The following LRRK1 variants were observed in gnomAD, a reference collection of about 807,000 sequenced individuals.
LRRK1 encodes the protein leucine-rich repeat serine/threonine-protein kinase 1.
In LRRK1, 113 loss-of-function variants were observed where a neutral mutation model predicts 209.1. The observed-to-expected ratio is 0.54, with a 90% CI of 0.46 to 0.63. The LOEUF (loss-of-function observed/expected upper bound fraction) is 0.63. Among genes scored for constraint, LRRK1 ranks in the 30% least tolerant of loss-of-function variants. LRRK1 has a pLI of 0.00. For synonymous variants in LRRK1, 1,144 were observed against 1,099.7 expected (o/e 1.04, Z -0.80); for missense variants, 2,284 against 2,632.2 (o/e 0.87, Z 2.89).
rs8040137 is a variant in LRRK1 at position 100,975,822 on chromosome 15, C to G, written c.261+1855C>G. ...AAAATAAAGGTAAAGAAAGTAGAAG[C>G]CATGAAACTGTAAAAATAATTTGAA... On this transcript the variant is annotated intron_variant, in intron 3 of 33. Transcript: ENST00000388948. Among the ~76,000 whole-genome samples, 1,193 of 151,924 alleles carry G rather than the reference C, an allele frequency of 7.9e-3. 17 individuals are homozygous for G. The highest frequency in any genetic ancestry group is 0.028 in the African/African-American group (1,146 of 41,436).
At chr15:100,962,656 G>A (rs1203083202) in intron 2 of LRRK1, among the ~76,000 whole-genome samples, 1 of 150,730 alleles carries the variant, frequency 6.6e-6, no homozygotes, top group African/African-American at 2.4e-5. Context: ...GAGGAGAAAA[G>A]AGTGTCAGGT....
intron 20 of LRRK1, among the ~76,000 whole-genome samples, chr15:101,045,762 T>C (rs1408300949): frequency 6.6e-6 from 1 of 152,238 alleles, no homozygotes; most frequent in Non-Finnish European, 1.5e-5. Context: ...CTCATATTAA[T>C]GGGACCAGTC....
chr15:101,009,722 G>A (rs2033143949), intron 7 of LRRK1, among the ~76,000 whole-genome samples: 1 of 152,010 alleles, frequency 6.6e-6, no homozygotes, highest in East Asian at 1.9e-4. Context: ...CGAGTAACTG[G>A]GATTACAGGC....
intron 21 of LRRK1, among the ~76,000 whole-genome samples, chr15:101,046,414 T>G (rs2035078910): frequency 6.6e-6 from 1 of 152,302 alleles, no homozygotes; most frequent in African/African-American, 2.4e-5. Flanking sequence ...TTAGCCCACC[T>G]CAAAACCACC....
chr15:100,928,976 G>C (rs972859765), intron 2 of LRRK1, among the ~76,000 whole-genome samples: 4 of 152,210 alleles, frequency 2.6e-5, no homozygotes, highest in African/African-American at 9.7e-5. Context: ...AGGAATGGTT[G>C]GAAAGCTTTG....
intron 20 of LRRK1, among the ~76,000 whole-genome samples, chr15:101,039,663 CA>C (rs1374224569): frequency 6.6e-6 from 1 of 152,146 alleles, no homozygotes; most frequent in African/African-American, 2.4e-5. Context: ...TGTGTGATCT[CA>C]GGGGGGAAGC....
At chr15:101,001,352 AT>A (rs989054798) in intron 6 of LRRK1, among the ~76,000 whole-genome samples, 4 of 152,192 alleles carry the variant, frequency 2.6e-5, no homozygotes, top group African/African-American at 9.7e-5. Flanking sequence ...CACTGGCGTC[AT>A]GCAGATAACC....
intron 6 of LRRK1, among the ~76,000 whole-genome samples, chr15:100,998,652 G>T (rs987785769): frequency 6.6e-6 from 1 of 152,084 alleles, no homozygotes; most frequent in Non-Finnish European, 1.5e-5. Context: ...TGGGTGTGTG[G>T]ATGGATGGAT....
intron 29 of LRRK1, among the ~76,000 whole-genome samples, chr15:101,060,956 G>A (rs2036139216): frequency 1.3e-5 from 2 of 152,358 alleles, no homozygotes; most frequent in Non-Finnish European, 2.9e-5. Context: ...ACGGAAAGAG[G>A]ACAGCCTTTC....
chr15:100,941,466 G>GTC lies in LRRK1; in HGVS notation c.97+16738_97+16739insCT, dbSNP rs1248712846. Among the ~76,000 whole-genome samples the GTC allele has an allele frequency of 1.6e-3, 173 of 108,492 alleles. 4 individuals carry two copies. The highest frequency in any genetic ancestry group is 0.01 in the Middle Eastern group (2 of 192). The allele number at this position is 108,492 out of a possible 152,430, so 71.2% of individuals were successfully genotyped here. On this transcript the variant is annotated intron_variant, in intron 2 of 33. Coordinates refer to ENST00000388948, the MANE Select transcript of LRRK1 (RefSeq NM_024652.6). ...TGTGTCTGTGTGTGTCTATGTCTCT[G>GTC]TGTGTGTGTGTGTGTGTGTGTGTGT... is the stretch of plus-strand genomic sequence containing the variant.
At chr15:100,948,066 A>G (rs981380561) in intron 2 of LRRK1, among the ~76,000 whole-genome samples, 16 of 152,256 alleles carry the variant, frequency 1.1e-4, no homozygotes, top group African/African-American at 3.4e-4. Flanking sequence ...TCCTTTGCCC[A>G]GCTCTTCCCA....
Position 100,989,406 on chromosome 15 carries a change from G to A in LRRK1, c.762+8G>A, listed in dbSNP as rs1401100958. On this transcript the variant is annotated splice_region_variant and intron_variant, in intron 6 of 33. Transcript: ENST00000388948. ...AGTTATCCGGGAAAAACAGTGAGTA[G>A]TCACTGCCTGTGGAGTGTGTTTTAG... 6.2e-7 allele frequency: 1 copy of A among 1,613,482 alleles called. No homozygotes were observed. The highest frequency in any genetic ancestry group is 8.5e-7 in the Non-Finnish European group (1 of 1,179,552).
intron 12 of LRRK1, among the ~76,000 whole-genome samples, chr15:101,020,535 C>G (rs113443234): frequency 0.06 from 9,153 of 152,064 alleles, 283 homozygotes; most frequent in Non-Finnish European, 0.077. Context: ...ACCATCACGC[C>G]TGGCTAATTT....
intron 10 of LRRK1, among the ~76,000 whole-genome samples, 196 bp downstream of exon 10, chr15:101,012,341 G>A (rs943845019): frequency 7.9e-5 from 12 of 152,346 alleles, no homozygotes; most frequent in African/African-American, 2.6e-4. Flanking sequence ...AGAAGCAGCT[G>A]TGTCAGGTGG....
intron 25 of LRRK1, 28 bp downstream of exon 25, chr15:101,053,116 T>C (rs755184248): frequency 1.9e-6 from 3 of 1,596,440 alleles, no homozygotes. Context: ...TGGTGCTGTT[T>C]TTCTCAGACA....
chr15:100,981,863 C>A (rs912892568), intron 3 of LRRK1, among the ~76,000 whole-genome samples: 1 of 152,232 alleles, frequency 6.6e-6, no homozygotes, highest in Admixed American at 6.5e-5. Context: ...GCCCAACTTA[C>A]CTAAAATGAT....
At chr15:100,999,621 A>T (rs1468158884) in intron 6 of LRRK1, among the ~76,000 whole-genome samples, 1 of 152,252 alleles carries the variant, frequency 6.6e-6, no homozygotes, top group Admixed American at 6.5e-5. Flanking sequence ...GTATTAAGGA[A>T]CCACTTACAT....
At chr15:101,047,751 C>T (rs1215436299) in intron 21 of LRRK1, among the ~76,000 whole-genome samples, 1 of 152,206 alleles carries the variant, frequency 6.6e-6, no homozygotes, top group South Asian at 2.1e-4. Context: ...TCTCGTCGTT[C>T]GAGAAGCGAT....
At chr15:100,981,474 C>T (rs1394612942) in intron 3 of LRRK1, among the ~76,000 whole-genome samples, 1 of 152,180 alleles carries the variant, frequency 6.6e-6, no homozygotes, top group East Asian at 1.9e-4. Context: ...CTGATCCCAG[C>T]CCCTTAGACT....
Sources: gnomAD v4.1 joint callset for allele counts (sites outside exome capture counted in the v4.1 genomes callset) on GRCh38, gnomAD v4.1.1 for gene constraint, MANE v1.5 for transcripts, NCBI Gene and HGNC (gene_info 2026-07-23, HGNC 2026-07-21) for gene names.